MCMBP: variants seen among roughly 807,000 people sequenced by gnomAD.
MCMBP encodes mini-chromosome maintenance complex-binding protein.
A neutral mutation model predicts 81.3 loss-of-function variants in MCMBP; 31 were observed. That is an observed-to-expected ratio of 0.38 (90% confidence interval 0.29 to 0.51). MCMBP has a LOEUF of 0.51. MCMBP is among the 20% of genes least tolerant of loss of function. The pLI, the probability that MCMBP is intolerant of heterozygous loss-of-function variation, is 0.87. For synonymous variants in MCMBP, 267 were observed against 275.9 expected (o/e 0.97, Z 0.32); for missense variants, 645 against 772.1 (o/e 0.84, Z 1.95).
At chr10:119,842,411 C>G in intron 10 of MCMBP, 61 bp downstream of exon 10, 2 of 1,547,684 alleles carry the variant, frequency 1.3e-6, no homozygotes, top group Non-Finnish European at 1.7e-6. Flanking sequence ...AGCAATCTTC[C>G]CGCTCTTCCA....
At chr10:119,848,059 C>T (rs1431298239) in intron 7 of MCMBP, among the ~76,000 whole-genome samples, 1 of 150,720 alleles carries the variant, frequency 6.6e-6, no homozygotes, top group African/African-American at 2.4e-5. Flanking sequence ...TAAACCACAC[C>T]AAGAAAAGGA....
At chr10:119,832,200 T>C in intron 14 of MCMBP, 100 bp from the exon 15 acceptor site, 3 of 989,418 alleles carry the variant, frequency 3.0e-6, no homozygotes, top group Admixed American at 5.4e-5. Flanking sequence ...GTCAGCCTCT[T>C]AGACAAAGGA....
chr10:119,867,292 CAAAAAAAAAAAAAAAAAAA>C (rs372338008), intron 1 of MCMBP, among the ~76,000 whole-genome samples: 1 of 48,714 alleles, frequency 2.1e-5, no homozygotes, highest in Non-Finnish European at 3.4e-5. Flanking sequence ...GACTCCATCT[CAAAAAAAAAAAAAAAAAAA>C]AAAAAAAAAA....
chr10:119,851,672 T>C (rs914546986), intron 6 of MCMBP, among the ~76,000 whole-genome samples: 2 of 152,170 alleles, frequency 1.3e-5, no homozygotes, highest in Admixed American at 6.5e-5. Flanking sequence ...AATTTTAATA[T>C]ATTCTGGGGA....
At chr10:119,866,835 C>T (rs990384714) in intron 1 of MCMBP, among the ~76,000 whole-genome samples, 4 of 151,206 alleles carry the variant, frequency 2.6e-5, no homozygotes, top group African/African-American at 9.7e-5. Context: ...TGGTGGCAGG[C>T]GCCTGTAGTC....
rs1276487716 is a variant in MCMBP, at chr10:119,843,285, A to G, written c.969T>C (p.Pro323=). 4 of 1,613,910 alleles carry G rather than the reference A, an allele frequency of 2.5e-6. No homozygotes were observed. The highest frequency in any genetic ancestry group is 3.4e-6 in the Non-Finnish European group (4 of 1,179,842). The change falls in exon 9 of 16, where the codon CCT becomes CCC. Residue 323 remains proline, a synonymous_variant. Coordinates refer to ENST00000369077, the MANE Select transcript of MCMBP (RefSeq NM_001256378.2). ...TGCTCTCCTCTTTGTTAAGGCAGGC[A>G]GGCAATAATGGGTTGATGTGTTGCA... The part of the protein sequence containing the change: ...QKLQHINPLL[P]ACLNKEESKT...
chr10:119,833,889 C>T (rs566410946), intron 14 of MCMBP, among the ~76,000 whole-genome samples: 1 of 151,770 alleles, frequency 6.6e-6, no homozygotes, highest in East Asian at 1.9e-4. Context: ...TAGAGAGTAT[C>T]AATAAAAAGA....
intron 8 of MCMBP, among the ~76,000 whole-genome samples, chr10:119,844,440 C>A (rs562682472): frequency 6.6e-6 from 1 of 152,306 alleles, no homozygotes; most frequent in South Asian, 2.1e-4. Context: ...CAATGCCTTA[C>A]ACGTACAAAT....
intron 8 of MCMBP, 26 bp downstream of exon 8, chr10:119,847,587 A>G: frequency 7.2e-7 from 1 of 1,391,856 alleles, no homozygotes; most frequent in Non-Finnish European, 1.0e-6. Context: ...AATAAAGGAG[A>G]CCAAAAAAAG....
intron 8 of MCMBP, among the ~76,000 whole-genome samples, chr10:119,844,885 G>C (rs1852564817): frequency 6.6e-6 from 1 of 152,198 alleles, no homozygotes; most frequent in Admixed American, 6.5e-5. Flanking sequence ...TTCACCAGGA[G>C]CTCTTAGGCC....
chr10:119,848,066 A>G (rs1852679193), intron 7 of MCMBP, among the ~76,000 whole-genome samples: 1 of 152,126 alleles, frequency 6.6e-6, no homozygotes, highest in African/African-American at 2.4e-5. Flanking sequence ...CACCAAGAAA[A>G]GGAAAAAACA....
chr10:119,857,670 G>GTA (rs1853101566), intron 4 of MCMBP: 1 of 355,138 alleles, frequency 2.8e-6, no homozygotes, highest in Non-Finnish European at 5.2e-6. Flanking sequence ...TGGGACCTCT[G>GTA]GAGTGACTTA....
At chr10:119,864,525 T>C (rs1458929981) in intron 1 of MCMBP, among the ~76,000 whole-genome samples, 1 of 151,466 alleles carries the variant, frequency 6.6e-6, no homozygotes, top group Non-Finnish European at 1.5e-5. Context: ...CTATTGGTAA[T>C]TTGTTTTCCT....
intron 8 of MCMBP, among the ~76,000 whole-genome samples, chr10:119,845,671 CTGAG>C (rs770558093): frequency 6.6e-6 from 1 of 152,098 alleles, no homozygotes; most frequent in South Asian, 2.1e-4. Context: ...GAAAAGTTAC[CTGAG>C]TAAGTGGAAC....
chr10:119,833,954 T>G (rs535754726), intron 14 of MCMBP, among the ~76,000 whole-genome samples: 2 of 152,090 alleles, frequency 1.3e-5, no homozygotes, highest in Non-Finnish European at 2.9e-5. Flanking sequence ...AAAAATATAG[T>G]AAAAATTCTC....
At chr10:119,862,549 A>G (rs1226162893) in intron 1 of MCMBP, among the ~76,000 whole-genome samples, 2 of 152,172 alleles carry the variant, frequency 1.3e-5, no homozygotes, top group Non-Finnish European at 1.5e-5. Context: ...TTTTATTCCT[A>G]TTATTCCTCT....
Position 119,838,541 on chromosome 10 carries a change from T to C in MCMBP, c.1402A>G (p.Thr468Ala). ...ETLLEQGQLD[T>A]PGVHNVTALS... ...GAAACATCTATGTACGTACCTGGGG[T>C]ATCCAGCTGCCCCTGTTCCAGGAGA... The change falls in exon 12 of 16, where the codon ACC becomes GCC. Residue 468 changes from threonine to alanine, a missense_variant. Physicochemically the swap from Thr to Ala is moderately conservative, Grantham distance 58 (BLOSUM62 0). Transcript: ENST00000369077. The C allele has an allele frequency of 6.2e-7, 1 of 1,613,774 alleles. No homozygotes were observed. The highest frequency in any genetic ancestry group is 1.1e-5 in the South Asian group (1 of 91,062).
intron 1 of MCMBP, among the ~76,000 whole-genome samples, chr10:119,860,735 T>A (rs765036709): frequency 6.6e-6 from 1 of 152,224 alleles, no homozygotes; most frequent in African/African-American, 2.4e-5. Context: ...GGTCCTTTTT[T>A]AAAAATTGAA....
chr10:119,847,251 T>C lies in MCMBP; in HGVS notation c.827+362A>G, dbSNP rs557611149. Among the ~76,000 whole-genome samples the C allele has an allele frequency of 9.8e-4, 149 of 152,244 alleles. 7 individuals are homozygous for C. The South Asian group carries it at 0.03, about 31-fold the overall frequency. The stretch of plus-strand genomic sequence containing the variant: ...GGGAGACGTGTAAGAAAGAACATGA[T>C]TAAGACAATTAGTGAAATTAAGTAT... On this transcript the variant is annotated intron_variant, in intron 8 of 15. Transcript: ENST00000369077.
Sources: gnomAD v4.1 joint callset for allele counts (sites outside exome capture counted in the v4.1 genomes callset) on GRCh38, gnomAD v4.1.1 for gene constraint, MANE v1.5 for transcripts, NCBI Gene and HGNC (gene_info 2026-07-23, HGNC 2026-07-21) for gene names.